Variants in RPL3L observed in about 807,000 individuals in gnomAD.
RPL3L encodes the protein ribosomal protein uL3-like.
A neutral mutation model predicts 44.5 loss-of-function variants in RPL3L; 44 were observed. The ratio of observed to expected loss-of-function variants is 0.99; its 90% confidence interval spans 0.78 to 1.27. RPL3L has a LOEUF of 1.27. Ranked by LOEUF, RPL3L falls within the 50% of genes most tolerant of loss-of-function variation. The pLI is 0.00. For missense variants in RPL3L, 631 were observed against 569.1 expected (o/e 1.11, Z -1.11); for synonymous variants, 292 against 230.7 (o/e 1.27, Z -2.41).
Position 1,945,935 on chromosome 16 carries a change from A to G in RPL3L, c.952-5T>C. 6.2e-7 allele frequency: 1 copy of G among 1,607,592 alleles called. No individual in the cohort carries two copies. Among genetic ancestry groups the G allele is most frequent in the South Asian group, 1.1e-5 (1 of 90,024 alleles). ...CCCGTAGTGGGGGAAGCCACCCTGC[A>G]GAGGACACAGGTCAGAGGCCAGGCC... On this transcript the variant is annotated splice_polypyrimidine_tract_variant and splice_region_variant and intron_variant, in intron 7 of 9. Transcript: ENST00000268661.
Position 1,945,822 on chromosome 16 carries a change from C to G in RPL3L, c.1047+13G>C. 1 of 1,613,906 alleles carries G rather than the reference C, an allele frequency of 6.2e-7. No homozygotes were observed. On this transcript the variant is annotated intron_variant, in intron 8 of 9. Coordinates refer to ENST00000268661, the MANE Select transcript of RPL3L (RefSeq NM_005061.3). ...TCGGGCACCCACTCCCCAGCCCACCCAGCACTGCCAACCTTTCTCAGCGTA... is the reference window on the plus strand; with the variant it reads ...TCGGGCACCCACTCCCCAGCCCACCGAGCACTGCCAACCTTTCTCAGCGTA...
At chr16:1,945,474 A>C in intron 9 of RPL3L, 25 bp downstream of exon 9, 1 of 1,594,894 alleles carries the variant, frequency 6.3e-7, no homozygotes, top group Non-Finnish European at 8.6e-7. Context: ...CCAGAGAAGA[A>C]CAAGGATGGG....
chr16:1,945,900 T>C lies in RPL3L; in HGVS notation c.982A>G (p.Asn328Asp), dbSNP rs761256639. ...GGFPHYGEVN[N>D]DFVMLKGCIA... ...CAACCCTTCAGCATGACGAAGTCGT[T>C]GTTCACTTCCCCGTAGTGGGGGAAG... The change falls in exon 8 of 10, where the codon AAC becomes GAC. Residue 328 changes from asparagine (N) to aspartate (D), a missense_variant. By Grantham distance (23) the Asn-to-Asp change is conservative. Coordinates refer to ENST00000268661, the MANE Select transcript of RPL3L (RefSeq NM_005061.3). 20 of 1,613,478 alleles carry C rather than the reference T, an allele frequency of 1.2e-5. No individual in the cohort carries two copies. Among genetic ancestry groups the C allele is most frequent in the Non-Finnish European group, 1.7e-5 (20 of 1,179,748 alleles).
At chr16:1,948,340 C>T (rs931291515) in intron 4 of RPL3L, among the ~76,000 whole-genome samples, 3 of 152,002 alleles carry the variant, frequency 2.0e-5, no homozygotes, top group African/African-American at 7.2e-5. Flanking sequence ...TCTCCTGCCT[C>T]AGCTTCTTGA....
At chr16:1,954,240 C>T in intron 1 of RPL3L, 92 bp from the exon 2 acceptor site, 1 of 1,316,572 alleles carries the variant, frequency 7.6e-7, no homozygotes, top group Middle Eastern at 2.2e-4. Context: ...AAATGGACTA[C>T]AGGCTTCAGA....
intron 4 of RPL3L, 141 bp from the exon 5 acceptor site, chr16:1,947,521 T>G: frequency 1.9e-6 from 2 of 1,034,556 alleles, no homozygotes; most frequent in Non-Finnish European, 2.7e-6. Context: ...TTGCAACCCA[T>G]GTGTTGTGCT....
At chr16:1,945,717 C>G in intron 8 of RPL3L, 99 bp from the exon 9 acceptor site, 1 of 1,602,036 alleles carries the variant, frequency 6.2e-7, no homozygotes. Flanking sequence ...TCACCTAGTT[C>G]CTACCAGAGC....
Position 1,945,375 on chromosome 16 carries a change from A to T in RPL3L, c.1167+124T>A, listed in dbSNP as rs529723716. 169 of 998,654 alleles carry T rather than the reference A, an allele frequency of 1.7e-4. 7 individuals are homozygous for T. The African/African-American group carries it at 2.7e-3, about 16-fold the overall frequency. 61.9% of individuals were successfully genotyped at this position (998,654 alleles called of 1,614,324 possible). A position where few individuals can be genotyped will look rare whatever the true frequency, so the allele number is the denominator to read the frequency against. On this transcript the variant is annotated intron_variant, in intron 9 of 9. Coordinates refer to ENST00000268661, the MANE Select transcript of RPL3L (RefSeq NM_005061.3). Reference sequence around the variant, plus strand: ...ATCTCAAAAAATAAAATAAATAAAAAAAAAAGAGTCTCTCCTGCAGTTGAG... The same window carrying T: ...ATCTCAAAAAATAAAATAAATAAAATAAAAAGAGTCTCTCCTGCAGTTGAG...
At chr16:1,946,056 T>G (rs1051024321) in intron 7 of RPL3L, 126 bp from the exon 8 acceptor site, 1 of 734,162 alleles carries the variant, frequency 1.4e-6, no homozygotes, top group Non-Finnish European at 2.3e-6. Context: ...AGCCCCCAGA[T>G]GTAGGGGTGA....
At position 1,947,097 on chromosome 16, in the gene RPL3L, C is replaced by T; in HGVS notation, c.690G>A (p.Gly230=). Residue 230 remains glycine, a splice_region_variant and synonymous_variant, in exon 6 of 10, where the codon GGG becomes GGA. Transcript: ENST00000268661. ...IAVTKGRGVK[G]VTSRWHTKKL... The stretch of plus-strand genomic sequence containing the variant: ...TCTTGGTATGCCAGCGGCTTGTGAC[C>T]CCTGTGAGTGAGAGGGGCTGGTGGC... The T allele has an allele frequency of 1.9e-6, 3 of 1,613,562 alleles. No individual in the cohort carries two copies. The highest frequency in any genetic ancestry group is 2.5e-6 in the Non-Finnish European group (3 of 1,179,998).
In RPL3L at chr16:1,946,607, G is replaced by GC; in HGVS notation, c.951+17dup. ...CAGCGGTGTGATGGGCCTGGCAGTCGCCCCCTCCCAGCCTCACCAGCGGTG... is the reference window on the plus strand; with the variant it reads ...CAGCGGTGTGATGGGCCTGGCAGTCGCCCCCCTCCCAGCCTCACCAGCGGTG... On this transcript the variant is annotated intron_variant, in intron 7 of 9. Transcript: ENST00000268661. 2 of 1,606,350 alleles carry GC rather than the reference G, an allele frequency of 1.2e-6. No homozygotes were observed. Among genetic ancestry groups the GC allele is most frequent in the Middle Eastern group, 1.7e-4 (1 of 6,024 alleles).
chr16:1,945,594 G>C lies in RPL3L; in HGVS notation c.1072C>G (p.Gln358Glu). 1 of 1,613,902 alleles carries C rather than the reference G, an allele frequency of 6.2e-7. No individual in the cohort carries two copies. The highest frequency in any genetic ancestry group is 1.3e-5 in the African/African-American group (1 of 75,020). ...TTGAGCTCAATATTCTCCACGGCTTGGCGACTGTGATGCACCAGGAGGGAC... is the reference window on the plus strand; with the variant it reads ...TTGAGCTCAATATTCTCCACGGCTTCGCGACTGTGATGCACCAGGAGGGAC... ...RKSLLVHHSR[Q>E]AVENIELKFI... Residue 358 changes from glutamine to glutamate, a missense_variant, in exon 9 of 10, where the codon CAA becomes GAA. By Grantham distance (29) the Gln-to-Glu change is conservative (BLOSUM62 2). Coordinates refer to ENST00000268661, the MANE Select transcript of RPL3L (RefSeq NM_005061.3).
Position 1,945,482 on chromosome 16 carries a change from G to C in RPL3L, c.1167+17C>G. 6.2e-7 allele frequency: 1 copy of C among 1,601,574 alleles called. No individual in the cohort carries two copies. The highest frequency in any genetic ancestry group is 8.5e-7 in the Non-Finnish European group (1 of 1,173,444). On this transcript the variant is annotated intron_variant, in intron 9 of 9. Transcript: ENST00000268661. ...TGGAGCCCCAGAGAAGAACAAGGAT[G>C]GGGGCGGTGAGCTCACCATGAAGGC...
intron 8 of RPL3L, 50 bp from the exon 9 acceptor site, chr16:1,945,668 C>G (rs367879238): frequency 6.2e-7 from 1 of 1,611,112 alleles, no homozygotes; most frequent in Non-Finnish European, 8.5e-7. Flanking sequence ...TCCCCCACAC[C>G]CTGCTGTGAA....
Position 1,947,083 on chromosome 16 carries a change from C to T in RPL3L, c.704G>A (p.Trp235Ter). The T allele has an allele frequency of 6.2e-7, 1 of 1,613,662 alleles. No individual in the cohort carries two copies. The highest frequency in any genetic ancestry group is 1.1e-5 in the South Asian group (1 of 91,090). ...CTTCCGCGGCAGCTTCTTGGTATGCCAGCGGCTTGTGACCCCTGTGAGTGA... is the reference window on the plus strand; with the variant it reads ...CTTCCGCGGCAGCTTCTTGGTATGCTAGCGGCTTGTGACCCCTGTGAGTGA... The part of the protein sequence containing the change: ...GRGVKGVTSR[W>*]HTKKLPRKTH... The change falls in exon 6 of 10, where the codon TGG becomes TAG. Residue 235 changes from tryptophan (W) to a stop codon, truncating the protein, a stop_gained. Coordinates refer to ENST00000268661, the MANE Select transcript of RPL3L (RefSeq NM_005061.3). LOFTEE classifies it high-confidence loss of function.
rs58248501 is a variant in RPL3L, at chr16:1,949,259, C to CTTTTT, written c.501+1580_501+1584dup. On this transcript the variant is annotated intron_variant, in intron 4 of 9. Transcript: ENST00000268661. ...CCTGATTTTTGTTTTTTTTTTTTTT[C>CTTTTT]TTTTTTTTTTTTTTTTTTTTTTGAG... Among the ~76,000 whole-genome samples the CTTTTT allele has an allele frequency of 2.9e-3, 216 of 75,246 alleles. 2 individuals carry two copies. The highest frequency in any genetic ancestry group is 6.1e-3 in the African/African-American group (127 of 20,768). The allele number at this position is 75,246 out of a possible 152,430, so 49.4% of individuals were successfully genotyped here.
Position 1,946,918 on chromosome 16 carries a change from T to C in RPL3L, c.849+20A>G. On this transcript the variant is annotated intron_variant, in intron 6 of 9. Transcript: ENST00000268661. ...GGGGTCCGACCACACAGTGTCCCCG[T>C]ACCCCGGCTGAGGACGCACCTTCTT... 6.3e-7 allele frequency: 1 copy of C among 1,590,106 alleles called. No homozygotes were observed. The highest frequency in any genetic ancestry group is 8.6e-7 in the Non-Finnish European group (1 of 1,167,960).
rs961452169 is a variant in RPL3L at position 1,953,817 on chromosome 16, G to A, written c.196+139C>T. The A allele has an allele frequency of 3.1e-4, 270 of 858,648 alleles. No individual in the cohort carries two copies. The Middle Eastern group carries it at 3.1e-3, about 10-fold the overall frequency. The allele number at this position is 858,648 out of a possible 1,614,324, so 53.2% of individuals were successfully genotyped here. A position where few individuals can be genotyped will look rare whatever the true frequency, so the allele number is the denominator to read the frequency against. ...CCCGGAAGCCCTGCCTGTGCTCAGC[G>A]TCCACCCCAATTCCCGGGGGCGAGG... On this transcript the variant is annotated intron_variant, in intron 2 of 9. Coordinates refer to ENST00000268661, the MANE Select transcript of RPL3L (RefSeq NM_005061.3).
intron 4 of RPL3L, among the ~76,000 whole-genome samples, chr16:1,947,808 T>TTGGAAAGTTGGTGGGACAGAGAGGA (rs1256396992): frequency 6.6e-6 from 1 of 151,970 alleles, no homozygotes; most frequent in Non-Finnish European, 1.5e-5. Flanking sequence ...AGAGGAGGCC[T>TTGGAAAGTTGGTGGGACAGAGAGGA]TGGAAAGTTG....
Sources: allele counts gnomAD v4.1 joint callset (sites outside exome capture counted in the v4.1 genomes callset), GRCh38; gene constraint gnomAD v4.1.1; transcripts MANE v1.5; gene names NCBI Gene and HGNC (gene_info 2026-07-23, HGNC 2026-07-21).